SLC38A12: variants seen among roughly 807,000 people sequenced by gnomAD.
SLC38A12 encodes the protein putative sodium-coupled neutral amino acid transporter 12.
chr17:74,813,635 G>A, the SLC38A12 span, among the ~76,000 whole-genome samples: 199 of 152,218 alleles, frequency 1.3e-3, no homozygotes, highest in Admixed American at 3.1e-3. Context: ...TCAGTAGCTG[G>A]GATTACAGGC....
chr17:74,796,718 T>C, the SLC38A12 span, among the ~76,000 whole-genome samples: 1 of 152,258 alleles, frequency 6.6e-6, no homozygotes, highest in Non-Finnish European at 1.5e-5. Context: ...GTAGGCTGCA[T>C]CCCTGATTCC....
the SLC38A12 span, among the ~76,000 whole-genome samples, chr17:74,778,462 A>C: frequency 6.6e-6 from 1 of 152,094 alleles, no homozygotes; most frequent in African/African-American, 2.4e-5. Context: ...TGTTTCTGCT[A>C]GCTTCACAGA....
the SLC38A12 span, among the ~76,000 whole-genome samples, chr17:74,821,557 A>C: frequency 2.0e-5 from 3 of 152,216 alleles, no homozygotes; most frequent in African/African-American, 7.2e-5. Flanking sequence ...TGTGTCCAGA[A>C]GTCAGAGTCA....
the SLC38A12 span, among the ~76,000 whole-genome samples, chr17:74,831,304 C>A: frequency 0.25 from 37,398 of 152,160 alleles, 4,989 homozygotes; most frequent in East Asian, 0.42. Context: ...GACAGGACCC[C>A]TGTCTCAGTG....
chr17:74,834,305 C>T, the SLC38A12 span, among the ~76,000 whole-genome samples: 3 of 151,968 alleles, frequency 2.0e-5, no homozygotes, highest in Admixed American at 1.3e-4. Flanking sequence ...TTTGTGATGT[C>T]GGGGGAGGAG....
At chr17:74,803,174 ATGT>A in the SLC38A12 span, among the ~76,000 whole-genome samples, 2 of 152,230 alleles carry the variant, frequency 1.3e-5, no homozygotes, top group East Asian at 3.8e-4. Flanking sequence ...GTGTATTTAA[ATGT>A]TGTTCTGTGA....
At chr17:74,808,940 C>T in the SLC38A12 span, among the ~76,000 whole-genome samples, 1 of 152,168 alleles carries the variant, frequency 6.6e-6, no homozygotes, top group African/African-American at 2.4e-5. Context: ...CATTAGGTTC[C>T]CTCCCAGGTG....
chr17:74,831,863 C>T, the SLC38A12 span, among the ~76,000 whole-genome samples: 3 of 152,228 alleles, frequency 2.0e-5, no homozygotes, highest in Non-Finnish European at 4.4e-5. Flanking sequence ...TGTGGCTGAG[C>T]CCCGGGCGTC....
At chr17:74,834,112 C>T in the SLC38A12 span, among the ~76,000 whole-genome samples, 1 of 152,088 alleles carries the variant, frequency 6.6e-6, no homozygotes, top group Non-Finnish European at 1.5e-5. Context: ...CAGCTGTGCA[C>T]ACCCCCCTCT....
chr17:74,793,843 C>T, the SLC38A12 span, among the ~76,000 whole-genome samples: 1 of 152,124 alleles, frequency 6.6e-6, no homozygotes, highest in South Asian at 2.1e-4. Flanking sequence ...TCTTGGGTCC[C>T]CTTGAGGATC....
At chr17:74,785,717 G>T in the SLC38A12 span, 1 of 1,385,504 alleles carries the variant, frequency 7.2e-7, no homozygotes, top group Non-Finnish European at 9.7e-7. Flanking sequence ...TGTCTACCCC[G>T]TATCGAGCTC....
the SLC38A12 span, among the ~76,000 whole-genome samples, chr17:74,808,251 A>G: frequency 6.6e-6 from 1 of 152,260 alleles, no homozygotes; most frequent in East Asian, 1.9e-4. Flanking sequence ...CAGAGGAGAC[A>G]GCCCTTCCAT....
At chr17:74,831,045 C>G in the SLC38A12 span, among the ~76,000 whole-genome samples, 3 of 152,346 alleles carry the variant, frequency 2.0e-5, no homozygotes, top group Admixed American at 1.3e-4. Context: ...CATGAGGAGT[C>G]ACAGCAGCCA....
the SLC38A12 span, chr17:74,836,475 G>A: frequency 6.2e-7 from 1 of 1,610,098 alleles, no homozygotes; most frequent in East Asian, 2.2e-5. This position sits in a 1 kb window ranked among gnomAD's most constrained non-coding sequence, Gnocchi z 4.2. Flanking sequence ...CATCACAGGG[G>A]CCTACGCGGG....
chr17:74,779,177 G>A, the SLC38A12 span, among the ~76,000 whole-genome samples: 1 of 152,192 alleles, frequency 6.6e-6, no homozygotes, highest in Non-Finnish European at 1.5e-5. Flanking sequence ...ACTAAGTTTT[G>A]TAAGGAAAAC....
At chr17:74,783,188 A>C in the SLC38A12 span, among the ~76,000 whole-genome samples, 787 of 152,378 alleles carry the variant, frequency 5.2e-3, 7 homozygotes, top group African/African-American at 0.018. Flanking sequence ...GAAGACTCTC[A>C]GACTCACGTC....
chr17:74,838,724 C>G, the SLC38A12 span: 4 of 1,443,188 alleles, frequency 2.8e-6, no homozygotes, highest in Non-Finnish European at 3.6e-6. Context: ...TGCCAGGCTT[C>G]TGCCGCTGAC....
At chr17:74,793,664 G>A in the SLC38A12 span, among the ~76,000 whole-genome samples, 1 of 152,140 alleles carries the variant, frequency 6.6e-6, no homozygotes, top group Non-Finnish European at 1.5e-5. Context: ...GGAGTGGGGC[G>A]GGGGACAATG....
At chr17:74,833,815 G>A in the SLC38A12 span, among the ~76,000 whole-genome samples, 1 of 152,216 alleles carries the variant, frequency 6.6e-6, no homozygotes, top group African/African-American at 2.4e-5. Context: ...GGCAGTGGCA[G>A]TGCAGGATTT....
Sources: gnomAD v4.1 joint callset for allele counts (sites outside exome capture counted in the v4.1 genomes callset) on GRCh38, gnomAD v4.1.1 for gene constraint, Gnocchi (gnomAD v3.1) non-coding constraint, MANE v1.5 for transcripts, NCBI Gene and HGNC (gene_info 2026-07-23, HGNC 2026-07-21) for gene names.